MEGF11: variants seen among roughly 807,000 people sequenced by gnomAD.
MEGF11 encodes the protein multiple EGF like domains 11.
MEGF11 carries 126 observed loss-of-function variants against 146.6 expected under a neutral mutation model. That is an observed-to-expected ratio of 0.86 (90% CI 0.74 to 1.00). The LOEUF (loss-of-function observed/expected upper bound fraction) is 1.00, where lower values mean the gene tolerates loss of function less well. Among genes scored for constraint, MEGF11 ranks in the 50% least tolerant of loss-of-function variants. The probability of loss-of-function intolerance (pLI) is 0.00; values close to 1 mark genes in which losing one functional copy is unlikely to be tolerated. For missense variants in MEGF11, 1,509 were observed against 1,521.2 expected, an observed-to-expected ratio of 0.99 and a Z score of 0.13; for synonymous variants, 532 against 583.4, an observed-to-expected ratio of 0.91 and a Z score of 1.27.
At position 65,922,369 on chromosome 15, in the gene MEGF11, G is replaced by T. The variant is rs761218066; in HGVS notation, c.1926C>A (p.Leu642=). The change falls in exon 15 of 26, where the codon CTC becomes CTA. Residue 642 remains leucine (L), a synonymous_variant. Transcript: ENST00000395614. ...CHHISGICEC[L]PGFSGALCNQ... is the part of the protein sequence containing the mutation. ...TGCAGAGAGCTCCAGAGAATCCTGG[G>T]AGGCACTCACAGATGCCGCTGATGT... 1.9e-6 allele frequency: 3 copies of T among 1,605,216 alleles called. No individual in the cohort carries two copies.
At chr15:66,228,141 T>C (rs1025145653) in intron 1 of MEGF11, among the ~76,000 whole-genome samples, 2 of 152,144 alleles carry the variant, frequency 1.3e-5, no homozygotes, top group African/African-American at 4.8e-5. Context: ...GCTGGAAAGC[T>C]GCAGAGAATC....
chr15:66,011,681 A>G (rs1484772926), intron 5 of MEGF11, among the ~76,000 whole-genome samples: 2 of 151,608 alleles, frequency 1.3e-5, no homozygotes, highest in Admixed American at 1.3e-4. Context: ...TGTAGCGCCC[A>G]CAGTGCAAGC....
At chr15:65,976,021 G>A (rs1468589606) in intron 7 of MEGF11, among the ~76,000 whole-genome samples, 1 of 149,484 alleles carries the variant, frequency 6.7e-6, no homozygotes, top group Non-Finnish European at 1.5e-5. Context: ...ATGAGCTGAA[G>A]TGTACCCCTT....
intron 5 of MEGF11, among the ~76,000 whole-genome samples, chr15:66,038,262 G>A (rs1216684904): frequency 6.6e-6 from 1 of 152,188 alleles, no homozygotes; most frequent in Non-Finnish European, 1.5e-5. Flanking sequence ...TTGGGGAGAT[G>A]TTGATACTTT....
chr15:66,227,105 T>C (rs1260836927), intron 1 of MEGF11, among the ~76,000 whole-genome samples: 1 of 152,110 alleles, frequency 6.6e-6, no homozygotes, highest in Non-Finnish European at 1.5e-5. Flanking sequence ...CTACAGCCCA[T>C]GGGGAGGACT....
rs535188401 is a variant in MEGF11 at position 65,937,489 on chromosome 15, C to CTAA, written c.1288-6547_1288-6546insTTA. Among the ~76,000 whole-genome samples, 422 of 148,078 alleles carry CTAA rather than the reference C, an allele frequency of 2.8e-3. 3 individuals are homozygous for CTAA. Among genetic ancestry groups the CTAA allele is most frequent in the African/African-American group, 0.011 (406 of 38,396 alleles). ...CAAGATAATGTACAGGCCTTGGTTT[C>CTAA]TTTATCAATCATCTGAGGCTATTGA... On this transcript the variant is annotated intron_variant, in intron 10 of 25. Transcript: ENST00000395614.
At chr15:65,979,327 A>T (rs1391989074) in intron 7 of MEGF11, among the ~76,000 whole-genome samples, 1 of 152,108 alleles carries the variant, frequency 6.6e-6, no homozygotes, top group African/African-American at 2.4e-5. Context: ...ATACTGTGGG[A>T]CCAAGTGGTC....
At chr15:66,241,683 T>G (rs1490851841) in intron 1 of MEGF11, among the ~76,000 whole-genome samples, 1 of 152,126 alleles carries the variant, frequency 6.6e-6, no homozygotes, top group Non-Finnish European at 1.5e-5. Context: ...TGAAGCTTCC[T>G]GAATCCCTGG....
intron 5 of MEGF11, among the ~76,000 whole-genome samples, chr15:65,986,153 A>G (rs2081850184): frequency 6.6e-6 from 1 of 151,808 alleles, no homozygotes; most frequent in Non-Finnish European, 1.5e-5. Context: ...GGGTTTCATC[A>G]TGTTGGCCAG....
intron 1 of MEGF11, among the ~76,000 whole-genome samples, chr15:66,175,083 C>T (rs1420032910): frequency 6.6e-6 from 1 of 152,088 alleles, no homozygotes; most frequent in Non-Finnish European, 1.5e-5. Context: ...TTTATCAGGT[C>T]TAAGAGATTT....
Position 65,964,930 on chromosome 15 carries a change from A to AGGGGC in MEGF11, c.1085_1089dup (p.Cys364AlafsTer14). ...TACCTGATGGTGTTGTCAGCGTCAC[A>AGGGGC]GGGGCAGGGCAGGGTGCAGCCTGGG... is the stretch of plus-strand genomic sequence containing the variant. On this transcript the variant is annotated frameshift_variant, in exon 9 of 26. Transcript: ENST00000395614. LOFTEE classifies it high-confidence loss of function. 1 of 1,569,552 alleles carries AGGGGC rather than the reference A, an allele frequency of 6.4e-7. No individual in the cohort carries two copies. Among genetic ancestry groups the AGGGGC allele is most frequent in the Non-Finnish European group, 8.6e-7 (1 of 1,156,698 alleles).
chr15:65,911,055 G>C (rs2078788661), intron 21 of MEGF11, among the ~76,000 whole-genome samples: 1 of 152,084 alleles, frequency 6.6e-6, no homozygotes, highest in Non-Finnish European at 1.5e-5. Flanking sequence ...TCTACACATA[G>C]GTGCTGAGAC....
intron 7 of MEGF11, among the ~76,000 whole-genome samples, chr15:65,977,551 C>G (rs1389264708): frequency 6.7e-6 from 1 of 148,456 alleles, no homozygotes; most frequent in Non-Finnish European, 1.5e-5. Flanking sequence ...GCAATCTTGG[C>G]TCACTGCAAC....
At chr15:66,083,800 C>G (rs1428595365) in intron 5 of MEGF11, among the ~76,000 whole-genome samples, 1 of 152,024 alleles carries the variant, frequency 6.6e-6, no homozygotes, top group Non-Finnish European at 1.5e-5. Flanking sequence ...GCCTGTAGTC[C>G]CAGCTACTCA....
intron 1 of MEGF11, among the ~76,000 whole-genome samples, chr15:66,219,142 A>C (rs978630000): frequency 6.6e-6 from 1 of 152,210 alleles, no homozygotes; most frequent in African/African-American, 2.4e-5. Flanking sequence ...ACATAGAAGA[A>C]TATCTCTTAG....
In MEGF11 at chr15:65,916,240, C is replaced by T. The variant is rs759625663; in HGVS notation, c.2252G>A (p.Arg751His). ...GGCGCCATTCTGACACTGGCATACG[C>T]GCCCACAGTCCTTCCCAAAAAATGC... ...PAAFFGKDCG[R>H]VCQCQNGASC... The change falls in exon 18 of 26, where the codon CGC becomes CAC. Residue 751 changes from arginine (R) to histidine (H), a missense_variant. Arg to His is a conservative substitution (Grantham distance 29, BLOSUM62 0). Transcript: ENST00000395614. The T allele has an allele frequency of 4.3e-5, 67 of 1,560,040 alleles. No individual in the cohort carries two copies. Among genetic ancestry groups the T allele is most frequent in the Middle Eastern group, 1.7e-4 (1 of 6,026 alleles).
chr15:66,099,814 G>C (rs1221934027), intron 4 of MEGF11, among the ~76,000 whole-genome samples: 1 of 152,176 alleles, frequency 6.6e-6, no homozygotes, highest in East Asian at 1.9e-4. Flanking sequence ...CTCATTTCCA[G>C]CTCAGAGGAT....
chr15:66,173,398 T>A (rs11071862), intron 1 of MEGF11, among the ~76,000 whole-genome samples: 2 of 152,088 alleles, frequency 1.3e-5, no homozygotes, highest in Non-Finnish European at 2.9e-5. Context: ...TCGCTGCAAC[T>A]TCCTCCTCCC....
At chr15:66,157,240 G>A (rs1181968334) in intron 1 of MEGF11, among the ~76,000 whole-genome samples, 2 of 152,190 alleles carry the variant, frequency 1.3e-5, no homozygotes, top group Non-Finnish European at 2.9e-5. Flanking sequence ...AACGTAGCCA[G>A]CCTCCCTCCT....
Sources: gnomAD v4.1 joint callset for allele counts (sites outside exome capture counted in the v4.1 genomes callset) on GRCh38, gnomAD v4.1.1 for gene constraint, MANE v1.5 for transcripts, NCBI Gene and HGNC (gene_info 2026-07-23, HGNC 2026-07-21) for gene names.